The following NHLRC2 variants were observed in gnomAD, a reference collection of about 807,000 sequenced individuals.
The protein encoded by NHLRC2 is NHL repeat-containing protein 2.
In NHLRC2, 33 loss-of-function variants were observed where a neutral mutation model predicts 68.1. That is an observed-to-expected ratio of 0.48 (90% CI 0.37 to 0.65). The LOEUF is 0.65. Ranked by LOEUF, NHLRC2 falls within the 30% of genes least tolerant of loss-of-function variation. NHLRC2 has a pLI of 0.00. For synonymous variants in NHLRC2, 311 were observed against 309.6 expected (o/e 1.00, Z -0.05); for missense variants, 761 against 853.8 (o/e 0.89, Z 1.35).
intron 2 of NHLRC2, among the ~76,000 whole-genome samples, chr10:113,872,231 G>A (rs912955567): frequency 7.9e-5 from 12 of 152,058 alleles, no homozygotes; most frequent in African/African-American, 2.2e-4. Flanking sequence ...GGAAAAAAGC[G>A]TATATGAAGG....
At chr10:113,876,500 C>T (rs780481944) in intron 2 of NHLRC2, 21 bp from the exon 3 acceptor site, 3 of 1,356,814 alleles carry the variant, frequency 2.2e-6, no homozygotes, top group Admixed American at 2.1e-5. Flanking sequence ...TAATGTTTAA[C>T]ATATAATTTT....
In NHLRC2 at chr10:113,910,980, A is replaced by G. The variant is rs946302848; in HGVS notation, c.*2444A>G. Reference sequence around the variant, plus strand: ...TTTATGACGAGGATAAACCTCTCACATAAGAGGAAGCACTAGAAAGTTTAT... The same window carrying G: ...TTTATGACGAGGATAAACCTCTCACGTAAGAGGAAGCACTAGAAAGTTTAT... On this transcript the variant is annotated 3_prime_UTR_variant, in exon 11 of 11. Transcript: ENST00000369301. 6 of 152,328 alleles carry G rather than the reference A, an allele frequency of 3.9e-5. No homozygotes were observed. The South Asian group carries it at 1.0e-3, about 26-fold the overall frequency. 9.4% of individuals were successfully genotyped at this position (152,328 alleles called of 1,614,324 possible).
At chr10:113,896,684 TAAAAG>T (rs1483902583) in intron 5 of NHLRC2, among the ~76,000 whole-genome samples, 4 of 150,254 alleles carry the variant, frequency 2.7e-5, no homozygotes, top group Non-Finnish European at 6.0e-5. Context: ...AATAAATAAA[TAAAAG>T]AAAAAAAAGT....
intron 6 of NHLRC2, among the ~76,000 whole-genome samples, chr10:113,899,318 C>T (rs1028787413): frequency 6.6e-6 from 1 of 152,122 alleles, no homozygotes; most frequent in Non-Finnish European, 1.5e-5. Flanking sequence ...AAGGCTGTCA[C>T]GTAGCCATGG....
rs537776424 is a variant in NHLRC2 at position 113,911,747 on chromosome 10, A to G, written c.*3211A>G. 2.4e-4 allele frequency: 36 copies of G among 152,178 alleles called. No individual in the cohort carries two copies. The highest frequency in any genetic ancestry group is 5.0e-4 in the Non-Finnish European group (34 of 67,996). 9.4% of individuals were successfully genotyped at this position (152,178 alleles called of 1,614,324 possible). A position where few individuals can be genotyped will look rare whatever the true frequency, so the allele number is the denominator to read the frequency against. ...ATAGTTAGATTTGGCATCACGTTTAACCACAATCATCAAAATCTACTTAAA... is the reference window on the plus strand; with the variant it reads ...ATAGTTAGATTTGGCATCACGTTTAGCCACAATCATCAAAATCTACTTAAA... On this transcript the variant is annotated 3_prime_UTR_variant, in exon 11 of 11. Coordinates refer to ENST00000369301, the MANE Select transcript of NHLRC2 (RefSeq NM_198514.4).
Position 113,876,758 on chromosome 10 carries a change from A to T in NHLRC2, c.569A>T (p.Tyr190Phe), listed in dbSNP as rs751695852. The stretch of plus-strand genomic sequence containing the variant: ...GGACACAAAGATAAATTATTTTTAT[A>T]TACTTCAATTGCTTTAAAGTATTAC... ...GEGHKDKLFL[Y>F]TSIALKYYKD... is the part of the protein sequence containing the mutation. Residue 190 changes from tyrosine to phenylalanine, a missense_variant, in exon 3 of 11, where the codon TAT becomes TTT. Physicochemically the swap from Tyr to Phe is conservative, Grantham distance 22. Transcript: ENST00000369301. 7 of 1,610,720 alleles carry T rather than the reference A, an allele frequency of 4.3e-6. No homozygotes were observed. The East Asian group carries it at 1.3e-4, about 31-fold the overall frequency.
At chr10:113,896,604 C>A (rs1846180167) in intron 5 of NHLRC2, among the ~76,000 whole-genome samples, 1 of 151,782 alleles carries the variant, frequency 6.6e-6, no homozygotes, top group Non-Finnish European at 1.5e-5. Context: ...CAGCATGGCA[C>A]ATGTATACAA....
At chr10:113,886,617 A>G (rs959212177) in intron 5 of NHLRC2, among the ~76,000 whole-genome samples, 1 of 152,240 alleles carries the variant, frequency 6.6e-6, no homozygotes, top group African/African-American at 2.4e-5. Context: ...AAAAGTGCCA[A>G]GAACACACAA....
chr10:113,892,441 T>C (rs565872990), intron 5 of NHLRC2, among the ~76,000 whole-genome samples: 28 of 152,302 alleles, frequency 1.8e-4, no homozygotes, highest in Non-Finnish European at 3.5e-4. Flanking sequence ...GGGAGGTATG[T>C]ATGAGGTTTG....
chr10:113,916,030 A>G lies in NHLRC2; in HGVS notation c.*7494A>G, dbSNP rs1027089650. 2 of 152,224 alleles carry G rather than the reference A, an allele frequency of 1.3e-5. No homozygotes were observed. Among genetic ancestry groups the G allele is most frequent in the African/African-American group, 2.4e-5 (1 of 41,460 alleles). The allele number at this position is 152,224 out of a possible 1,614,324, so 9.4% of individuals were successfully genotyped here. On this transcript the variant is annotated 3_prime_UTR_variant, in exon 11 of 11. Coordinates refer to ENST00000369301, the MANE Select transcript of NHLRC2 (RefSeq NM_198514.4). ...TTGATAAATTATGCTAATTAATGGG[A>G]AAAATAGACATGTTCCTCTCTGAAC...
chr10:113,860,829 C>T (rs761815376), intron 2 of NHLRC2, among the ~76,000 whole-genome samples: 4 of 152,142 alleles, frequency 2.6e-5, no homozygotes, highest in Admixed American at 6.5e-5. Context: ...CTGATAAACC[C>T]ATGGTAAGTT....
intron 2 of NHLRC2, among the ~76,000 whole-genome samples, chr10:113,865,153 G>A (rs1297999126): frequency 1.3e-5 from 2 of 152,066 alleles, no homozygotes; most frequent in Admixed American, 1.3e-4. Context: ...GTTTCACCGT[G>A]TTAGCCAGGA....
chr10:113,886,473 TC>T (rs1225741874), intron 5 of NHLRC2, among the ~76,000 whole-genome samples: 1 of 152,074 alleles, frequency 6.6e-6, no homozygotes, highest in Non-Finnish European at 1.5e-5. Context: ...GCATCACACT[TC>T]CTGATTTCAA....
intron 2 of NHLRC2, among the ~76,000 whole-genome samples, chr10:113,868,023 C>T (rs1405557600): frequency 6.6e-6 from 1 of 152,164 alleles, no homozygotes. Flanking sequence ...AGGTCTCACT[C>T]TGTTGCCTGG....
At chr10:113,875,166 T>C (rs1168889538) in intron 2 of NHLRC2, among the ~76,000 whole-genome samples, 1 of 152,106 alleles carries the variant, frequency 6.6e-6, no homozygotes, top group Admixed American at 6.6e-5. Flanking sequence ...CTCTGGGTTC[T>C]GTTATAGTCC....
chr10:113,894,765 T>G (rs934932146), intron 5 of NHLRC2, among the ~76,000 whole-genome samples: 2 of 152,122 alleles, frequency 1.3e-5, no homozygotes, highest in Non-Finnish European at 2.9e-5. Context: ...TTGCTGAGTT[T>G]TTATCATGAA....
intron 4 of NHLRC2, among the ~76,000 whole-genome samples, chr10:113,879,954 G>T (rs1846022176): frequency 2.6e-5 from 4 of 151,756 alleles, no homozygotes; most frequent in Admixed American, 2.6e-4. Flanking sequence ...TCACTCAAAA[G>T]CTCCTCATTT....
chr10:113,884,626 G>T (rs1184265302), intron 5 of NHLRC2, among the ~76,000 whole-genome samples: 1 of 150,978 alleles, frequency 6.6e-6, no homozygotes, highest in Non-Finnish European at 1.5e-5. Context: ...TTACTCTAAA[G>T]AATTATATAT....
chr10:113,858,454 C>A, intron 1 of NHLRC2, 74 bp from the exon 2 acceptor site: 1 of 1,053,710 alleles, frequency 9.5e-7, no homozygotes, highest in Non-Finnish European at 1.4e-6. Flanking sequence ...AAAAAGGTCA[C>A]ATTTTAATGG....
Sources: allele counts gnomAD v4.1 joint callset (sites outside exome capture counted in the v4.1 genomes callset), GRCh38; gene constraint gnomAD v4.1.1; transcripts MANE v1.5; gene names NCBI Gene and HGNC (gene_info 2026-07-23, HGNC 2026-07-21).